Variants in OPCML observed in about 807,000 individuals in gnomAD.
OPCML encodes the protein opioid binding protein/cell adhesion molecule like, also known as opioid-binding protein/cell adhesion molecule.
A neutral mutation model predicts 37.8 loss-of-function variants in OPCML; 13 were observed. That is an observed-to-expected ratio of 0.34 (90% CI 0.22 to 0.55). The LOEUF is 0.55. Ranked by LOEUF, OPCML falls within the 20% of genes least tolerant of loss-of-function variation. The pLI is 0.91. For synonymous variants in OPCML, 176 were observed against 168.8 expected (o/e 1.04, Z -0.33); for missense variants, 341 against 435.6 (o/e 0.78, Z 1.93).
chr11:132,639,922 G>T (rs371186802), intron 3 of OPCML, among the ~76,000 whole-genome samples: 16 of 152,354 alleles, frequency 1.1e-4, no homozygotes, highest in African/African-American at 3.8e-4. Flanking sequence ...ACTCACTAGA[G>T]GCAGAAAATC....
At chr11:132,909,971 T>C (rs1354791) in intron 2 of OPCML, among the ~76,000 whole-genome samples, 20,326 of 152,260 alleles carry the variant, frequency 0.13, 1,602 homozygotes, top group East Asian at 0.35. Flanking sequence ...ATAATTGTTT[T>C]AGAGTTAATT....
At chr11:133,386,382 G>A (rs565910660) in intron 1 of OPCML, among the ~76,000 whole-genome samples, 9 of 152,266 alleles carry the variant, frequency 5.9e-5, no homozygotes, top group South Asian at 2.1e-4. Context: ...TGCTTATGGC[G>A]CATTTAATAG....
intron 2 of OPCML, among the ~76,000 whole-genome samples, chr11:132,839,304 CAG>C (rs1008916612): frequency 2.0e-5 from 3 of 152,154 alleles, no homozygotes; most frequent in African/African-American, 7.2e-5. Flanking sequence ...TTTATCTCGG[CAG>C]AGAGGAGCGA....
intron 1 of OPCML, among the ~76,000 whole-genome samples, chr11:133,392,349 A>G (rs762973346): frequency 2.0e-5 from 3 of 152,222 alleles, no homozygotes; most frequent in Non-Finnish European, 4.4e-5. Context: ...TTAATCTGCC[A>G]TATCTTGCAA....
chr11:132,528,310 A>G (rs2096314138), intron 4 of OPCML, among the ~76,000 whole-genome samples: 1 of 152,172 alleles, frequency 6.6e-6, no homozygotes, highest in Non-Finnish European at 1.5e-5. Flanking sequence ...TCATGTTTGA[A>G]TGTTTAATGC....
In OPCML at chr11:132,657,237, T is replaced by C. The variant is rs746134342; in HGVS notation, c.229A>G (p.Ile77Val). 1.4e-5 allele frequency: 22 copies of C among 1,614,148 alleles called. No individual in the cohort carries two copies. The highest frequency in any genetic ancestry group is 5.0e-5 in the Admixed American group (3 of 60,010). ...ILYAGNDKWSIDPRVIILVNT... is the reference protein window; with the variant it reads ...ILYAGNDKWSVDPRVIILVNT... ...ACCAGGATGATCACACGAGGGTCTA[T>C]GGACCACTTGTCATTCCCAGCGTAG... The change falls in exon 3 of 8, where the codon ATA (isoleucine) becomes GTA (valine). Residue 77 changes from isoleucine to valine, a missense_variant. Ile to Val is a conservative substitution (Grantham distance 29, BLOSUM62 3). Coordinates refer to ENST00000524381, the MANE Select transcript of OPCML (RefSeq NM_001012393.5).
chr11:133,270,679 A>G (rs1941803083), intron 1 of OPCML, among the ~76,000 whole-genome samples: 1 of 152,218 alleles, frequency 6.6e-6, no homozygotes, highest in Admixed American at 6.5e-5. Flanking sequence ...ATATTTTAAC[A>G]CTGAAAGGAC....
intron 2 of OPCML, among the ~76,000 whole-genome samples, chr11:132,787,497 T>A (rs998206315): frequency 6.6e-6 from 1 of 152,128 alleles, no homozygotes; most frequent in African/African-American, 2.4e-5. Context: ...ATCTGTATAA[T>A]GGGGATAATA....
At chr11:133,507,234 G>C (rs1203516825) in intron 1 of OPCML, among the ~76,000 whole-genome samples, 2 of 152,206 alleles carry the variant, frequency 1.3e-5, no homozygotes. Flanking sequence ...AGAAGACACA[G>C]CTTCAAAGGG....
intron 4 of OPCML, among the ~76,000 whole-genome samples, chr11:132,484,254 A>G (rs1284522723): frequency 6.6e-6 from 1 of 152,220 alleles, no homozygotes; most frequent in African/African-American, 2.4e-5. Context: ...AAAAGTGGGC[A>G]AAGGACATGA....
At chr11:133,136,930 T>G (rs1949701579) in intron 1 of OPCML, among the ~76,000 whole-genome samples, 1 of 151,794 alleles carries the variant, frequency 6.6e-6, no homozygotes, top group Non-Finnish European at 1.5e-5. Context: ...ATATTATTTT[T>G]CTATAGAAAG....
intron 1 of OPCML, among the ~76,000 whole-genome samples, chr11:133,048,591 TTGTC>T (rs1390000938): frequency 1.3e-5 from 2 of 152,206 alleles, no homozygotes; most frequent in African/African-American, 4.8e-5. Context: ...AAGTCTCTCT[TTGTC>T]TGTGCCACTT....
chr11:132,977,635 G>C (rs1231633933), intron 1 of OPCML, among the ~76,000 whole-genome samples: 1 of 152,144 alleles, frequency 6.6e-6, no homozygotes, highest in Non-Finnish European at 1.5e-5. Flanking sequence ...AGATATTTGG[G>C]AGCCCTGGGA....
intron 1 of OPCML, among the ~76,000 whole-genome samples, chr11:132,964,567 TAAGA>T (rs980474136): frequency 2.6e-5 from 4 of 152,168 alleles, no homozygotes; most frequent in African/African-American, 9.7e-5. Context: ...AAACGTTTGT[TAAGA>T]AAGCCATTTG....
chr11:132,945,813 C>G (rs1202174871), intron 1 of OPCML, among the ~76,000 whole-genome samples: 1 of 152,166 alleles, frequency 6.6e-6, no homozygotes, highest in East Asian at 1.9e-4. Context: ...GACGGAGTCT[C>G]GCTCTGTCAC....
At chr11:132,826,529 A>T (rs759925401) in intron 2 of OPCML, among the ~76,000 whole-genome samples, 40 of 152,132 alleles carry the variant, frequency 2.6e-4, no homozygotes, top group Non-Finnish European at 4.6e-4. Context: ...CCTTTCAGAC[A>T]CTCCAACAGC....
chr11:133,141,107 C>A (rs72653406), intron 1 of OPCML, among the ~76,000 whole-genome samples: 3,950 of 16,742 alleles, frequency 0.24, 1,369 homozygotes, highest in African/African-American at 0.31. Context: ...GAAGAAGAAG[C>A]AGCTGAATGC....
intron 1 of OPCML, among the ~76,000 whole-genome samples, chr11:133,167,530 T>G (rs1243064483): frequency 2.0e-5 from 3 of 150,290 alleles, no homozygotes; most frequent in African/African-American, 4.9e-5. Context: ...TCTTTCTCTT[T>G]TTTTTTTTTT....
At chr11:132,593,464 G>T (rs991961309) in intron 3 of OPCML, among the ~76,000 whole-genome samples, 1 of 152,150 alleles carries the variant, frequency 6.6e-6, no homozygotes, top group Admixed American at 6.5e-5. Context: ...CCACATTCAA[G>T]AATTTAACTG....
Sources: allele counts gnomAD v4.1 joint callset (sites outside exome capture counted in the v4.1 genomes callset), GRCh38; gene constraint gnomAD v4.1.1; transcripts MANE v1.5; gene names NCBI Gene and HGNC (gene_info 2026-07-23, HGNC 2026-07-21).